Variants in DNMT3A observed in about 807,000 individuals in gnomAD.
DNMT3A encodes the protein DNA methyltransferase 3 alpha.
In DNMT3A, 267 loss-of-function variants were observed where a neutral mutation model predicts 117.6. The ratio of observed to expected loss-of-function variants is 2.27; its 90% confidence interval spans 2.05 to 2.51. The LOEUF is 2.51. Ranked by LOEUF, DNMT3A falls within the 30% of genes most tolerant of loss-of-function variation. The probability of loss-of-function intolerance (pLI) is 0.00; values close to 1 mark genes in which losing one functional copy is unlikely to be tolerated. For synonymous variants in DNMT3A, 432 were observed against 474.8 expected (o/e 0.91, Z 1.17); for missense variants, 1,029 against 1,260.2 (o/e 0.82, Z 2.78).
intron 5 of DNMT3A, 82 bp downstream of exon 5, chr2:25,275,418 T>TCCCC: frequency 2.0e-6 from 1 of 492,680 alleles, no homozygotes; most frequent in Non-Finnish European, 3.2e-6. Context: ...GGGCCCACCC[T>TCCCC]CCGCCCCCTC....
intron 6 of DNMT3A, among the ~76,000 whole-genome samples, chr2:25,269,377 GA>G (rs1159069890): frequency 6.6e-6 from 1 of 152,214 alleles, no homozygotes; most frequent in African/African-American, 2.4e-5. Flanking sequence ...GGGAAGGGAA[GA>G]GGTCATTGTG....
At chr2:25,322,132 G>A (rs548613319) in intron 1 of DNMT3A, among the ~76,000 whole-genome samples, 1 of 152,338 alleles carries the variant, frequency 6.6e-6, no homozygotes, top group African/African-American at 2.4e-5. Context: ...ATAAGGGTAG[G>A]AGTAGGCAAG....
At chr2:25,307,424 C>T (rs997721031) in intron 2 of DNMT3A, among the ~76,000 whole-genome samples, 4 of 148,210 alleles carry the variant, frequency 2.7e-5, no homozygotes, top group African/African-American at 1.0e-4. Context: ...TCCCGAAGGG[C>T]TAGGATTACA....
Position 25,234,196 on chromosome 2 carries a change from T to A in DNMT3A, c.*83A>T. The A allele has an allele frequency of 2.0e-6, 3 of 1,526,714 alleles. No homozygotes were observed. The highest frequency in any genetic ancestry group is 1.3e-5 in the South Asian group (1 of 76,708). The allele number at this position is 1,526,714 out of a possible 1,614,324, so 94.6% of individuals were successfully genotyped here. On this transcript the variant is annotated 3_prime_UTR_variant, in exon 23 of 23. Transcript: ENST00000321117. The surrounding 1 kb of genome is among the most constrained non-coding windows in gnomAD (Gnocchi z 4.5). Reference sequence around the variant, plus strand: ...GTGCTGATACTTCTCTCCATCCTCATGTTCTTGGTGTTTTATTATGTTTTG... The same window carrying A: ...GTGCTGATACTTCTCTCCATCCTCAAGTTCTTGGTGTTTTATTATGTTTTG...
chr2:25,234,226 T>TTTTG lies in DNMT3A; in HGVS notation c.*49_*52dup. ...TTGGTGTTTTATTATGTTTTGTGTT[T>TTTTG]TTTGTTTGTTTGTTTAACTTTGTGT... On this transcript the variant is annotated 3_prime_UTR_variant, in exon 23 of 23. Transcript: ENST00000321117. This position sits in a 1 kb window ranked among gnomAD's most constrained non-coding sequence, Gnocchi z 4.5. The TTTTG allele has an allele frequency of 1.3e-6, 2 of 1,567,378 alleles. No individual in the cohort carries two copies. Among genetic ancestry groups the TTTTG allele is most frequent in the Non-Finnish European group, 1.7e-6 (2 of 1,150,750 alleles).
At position 25,235,781 on chromosome 2, in the gene DNMT3A, C is replaced by T; in HGVS notation, c.2523G>A (p.Lys841=). The T allele has an allele frequency of 1.9e-6, 3 of 1,614,162 alleles. No individual in the cohort carries two copies. Among genetic ancestry groups the T allele is most frequent in the Non-Finnish European group, 2.5e-6 (3 of 1,180,016 alleles). ...CAGGAAAATGCTGGTCTTTGCCCTG[C>T]TTTATGGAGTTTGACCTCGTAGTAA... ...RTITTRSNSI[K]QGKDQHFPVF... The change falls in exon 22 of 23, where the codon AAG becomes AAA. Residue 841 remains lysine (K), a synonymous_variant. Transcript: ENST00000321117.
At chr2:25,342,115 C>T (rs1363181774), upstream of DNMT3A, among the ~76,000 whole-genome samples, 2 of 144,460 alleles carry the variant, frequency 1.4e-5, no homozygotes, top group Non-Finnish European at 1.5e-5. This position sits in a 1 kb window ranked among gnomAD's most constrained non-coding sequence, Gnocchi z 5.9. Context: ...CCCCCGCGGC[C>T]GCGCTGGCCC....
At chr2:25,338,562 G>A (rs376767983) in intron 1 of DNMT3A, among the ~76,000 whole-genome samples, 12 of 152,158 alleles carry the variant, frequency 7.9e-5, no homozygotes, top group African/African-American at 2.2e-4. Context: ...TCGCTGCCTC[G>A]GGGAGAGGAC....
intron 2 of DNMT3A, among the ~76,000 whole-genome samples, chr2:25,309,972 C>T (rs1344727684): frequency 1.3e-5 from 2 of 152,116 alleles, no homozygotes; most frequent in Non-Finnish European, 2.9e-5. Flanking sequence ...AGGAGAATGG[C>T]GTGAACCCGG....
At chr2:25,246,586 C>A in intron 10 of DNMT3A, 34 bp downstream of exon 10, 2 of 1,594,774 alleles carry the variant, frequency 1.3e-6, no homozygotes, top group Non-Finnish European at 1.7e-6. Flanking sequence ...GCCTGGCGGG[C>A]AGGGGTCCCA....
intron 1 of DNMT3A, chr2:25,314,587 C>T (rs2034292099): frequency 1.0e-6 from 1 of 985,296 alleles, no homozygotes; most frequent in Non-Finnish European, 1.2e-6. Flanking sequence ...ACCCCCACCC[C>T]CACACCTCCC....
chr2:25,301,249 AC>A (rs1373783599), intron 2 of DNMT3A, among the ~76,000 whole-genome samples: 28 of 137,464 alleles, frequency 2.0e-4, no homozygotes, highest in Admixed American at 1.3e-3. Flanking sequence ...AGCCTGGGAG[AC>A]AGAGCGAGAC....
At chr2:25,259,959 C>G (rs978019940) in intron 6 of DNMT3A, among the ~76,000 whole-genome samples, 3 of 152,200 alleles carry the variant, frequency 2.0e-5, no homozygotes, top group African/African-American at 7.2e-5. Flanking sequence ...CCCCCCAACC[C>G]TGTTTGGAAA....
At chr2:25,271,239 C>A (rs371787050) in intron 6 of DNMT3A, among the ~76,000 whole-genome samples, 5 of 152,064 alleles carry the variant, frequency 3.3e-5, no homozygotes, top group African/African-American at 9.7e-5. Context: ...CCCAGCCACT[C>A]GGGAGGCTGA....
intron 2 of DNMT3A, among the ~76,000 whole-genome samples, chr2:25,301,341 C>T (rs778169260): frequency 1.7e-4 from 26 of 152,156 alleles, no homozygotes; most frequent in Non-Finnish European, 2.9e-4. Flanking sequence ...AGGCAATACT[C>T]GAAATGGACA....
Position 25,290,320 on chromosome 2 carries a change from A to ATTTTTTT in DNMT3A, c.178-7616_178-7610dup, listed in dbSNP as rs1249490029. 5.7e-3 allele frequency among the ~76,000 whole-genome samples: 723 copies of ATTTTTTT among 126,452 alleles called. 15 individuals carry two copies. Among genetic ancestry groups the ATTTTTTT allele is most frequent in the African/African-American group, 0.02 (675 of 32,932 alleles). The allele number at this position is 126,452 out of a possible 152,430, so 83.0% of individuals were successfully genotyped here. A position where few individuals can be genotyped will look rare whatever the true frequency, so the allele number is the denominator to read the frequency against. On this transcript the variant is annotated intron_variant, in intron 3 of 22. Coordinates refer to ENST00000321117, the MANE Select transcript of DNMT3A (RefSeq NM_022552.5). Reference sequence around the variant, plus strand: ...ACATCCAGCTAATTTTATGGAAGTGATTTTTTTTTTTTTTTTTTGAGACGC... The same window carrying ATTTTTTT: ...ACATCCAGCTAATTTTATGGAAGTGATTTTTTTTTTTTTTTTTTTTTTTTTGAGACGC...
intron 6 of DNMT3A, among the ~76,000 whole-genome samples, chr2:25,251,635 T>C (rs1675575685): frequency 6.6e-6 from 1 of 152,168 alleles, no homozygotes; most frequent in African/African-American, 2.4e-5. Context: ...GCTACCCTGG[T>C]GTCACAGGCC....
rs932281874 is a variant in DNMT3A, at chr2:25,332,451, C to T, written c.-178+9375G>A. Among the ~76,000 whole-genome samples, 8 of 152,384 alleles carry T rather than the reference C, an allele frequency of 5.2e-5. 1 individual carries two copies. Among genetic ancestry groups the T allele is most frequent in the South Asian group, 2.1e-4 (1 of 4,828 alleles). ...CCAGGGGTCCTTCCGCCCTGCCAGA[C>T]CCCACCTAAGCTGCAGGGTCATTGA... On this transcript the variant is annotated intron_variant, in intron 1 of 22. Coordinates refer to ENST00000321117, the MANE Select transcript of DNMT3A (RefSeq NM_022552.5).
intron 20 of DNMT3A, among the ~76,000 whole-genome samples, chr2:25,238,066 C>G (rs1429159828): frequency 1.3e-5 from 2 of 152,250 alleles, no homozygotes; most frequent in African/African-American, 2.4e-5. Context: ...CTCCTAGAAG[C>G]TCAGAGTTTA....
Sources: allele counts gnomAD v4.1 joint callset (sites outside exome capture counted in the v4.1 genomes callset), GRCh38; gene constraint gnomAD v4.1.1; non-coding constraint Gnocchi (gnomAD v3.1); transcripts MANE v1.5; gene names NCBI Gene and HGNC (gene_info 2026-07-23, HGNC 2026-07-21).